Variants in MEIS2 observed in about 807,000 individuals in gnomAD.
The protein encoded by MEIS2 is Meis homeobox 2, also known as homeobox protein Meis2.
In MEIS2, 9 loss-of-function variants were observed where a neutral mutation model predicts 58.6. The observed-to-expected ratio is 0.15, with a 90% CI of 0.09 to 0.27. The LOEUF is 0.27. MEIS2 is among the 10% of genes least tolerant of loss of function. MEIS2 has a pLI of 1.00. For synonymous variants in MEIS2, 221 were observed against 228.4 expected (o/e 0.97, Z 0.29); for missense variants, 427 against 635.0 (o/e 0.67, Z 3.52).
chr15:36,892,689 A>C (rs1172008684), intron 11 of MEIS2, among the ~76,000 whole-genome samples: 1 of 152,224 alleles, frequency 6.6e-6, no homozygotes, highest in Non-Finnish European at 1.5e-5. Context: ...TATTTAATGC[A>C]ACTAAATGTC....
At chr15:37,097,621 C>T (rs1894444384) in intron 2 of MEIS2, among the ~76,000 whole-genome samples, 1 of 152,210 alleles carries the variant, frequency 6.6e-6, no homozygotes, top group African/African-American at 2.4e-5. Flanking sequence ...TCTCCTTCGT[C>T]AAGGCCTCTG....
At chr15:37,094,654 G>T in intron 4 of MEIS2, 77 bp from the exon 5 acceptor site, 2 of 1,268,754 alleles carry the variant, frequency 1.6e-6, no homozygotes, top group Non-Finnish European at 2.2e-6. Context: ...AGTGGGGTGA[G>T]GATGGTGGTG....
At chr15:36,993,576 T>C (rs1446334827) in intron 8 of MEIS2, among the ~76,000 whole-genome samples, 1 of 152,138 alleles carries the variant, frequency 6.6e-6, no homozygotes, top group Non-Finnish European at 1.5e-5. Flanking sequence ...CATTTGTAAA[T>C]AAGGAATATC....
At chr15:36,964,621 G>A (rs2059296714) in intron 8 of MEIS2, among the ~76,000 whole-genome samples, 1 of 152,066 alleles carries the variant, frequency 6.6e-6, no homozygotes, top group Admixed American at 6.5e-5. Context: ...AGAAAGAAGG[G>A]GAAAAACCTG....
intron 9 of MEIS2, among the ~76,000 whole-genome samples, chr15:36,916,284 G>A (rs1302460285): frequency 1.3e-5 from 2 of 151,850 alleles, no homozygotes; most frequent in East Asian, 1.9e-4. Context: ...AAAATTAGCT[G>A]GGCGTGGTGG....
Position 36,889,640 on chromosome 15 carries a change from C to T in MEIS2, c.*2533G>A, listed in dbSNP as rs1315598171. The T allele has an allele frequency of 6.6e-6, 1 of 152,060 alleles. No homozygotes were observed. The highest frequency in any genetic ancestry group is 1.5e-5 in the Non-Finnish European group (1 of 68,006). 9.4% of individuals were successfully genotyped at this position (152,060 alleles called of 1,614,324 possible). ...CTTCAATGAGATAACTTGATAATTGCATAAAACACATCCTAAACACGAGCC... is the reference window on the plus strand; with the variant it reads ...CTTCAATGAGATAACTTGATAATTGTATAAAACACATCCTAAACACGAGCC... On this transcript the variant is annotated 3_prime_UTR_variant, in exon 12 of 12. Transcript: ENST00000561208.
chr15:36,949,175 A>G (rs1444094396), intron 9 of MEIS2, among the ~76,000 whole-genome samples: 1 of 148,766 alleles, frequency 6.7e-6, no homozygotes, highest in Non-Finnish European at 1.5e-5. Context: ...TCCTGTGGCC[A>G]ATTTAAGTAG....
intron 7 of MEIS2, among the ~76,000 whole-genome samples, chr15:37,072,315 A>G (rs1367159449): frequency 6.6e-6 from 1 of 152,082 alleles, no homozygotes; most frequent in Non-Finnish European, 1.5e-5. Flanking sequence ...TTCCCACTGG[A>G]AAGTCCTGGT....
chr15:37,076,742 G>A (rs1207838861), intron 7 of MEIS2, among the ~76,000 whole-genome samples: 1 of 152,084 alleles, frequency 6.6e-6, no homozygotes, highest in Non-Finnish European at 1.5e-5. Context: ...TAAATGGTCA[G>A]CTGTAATCTC....
chr15:36,989,672 C>T (rs766084027), intron 8 of MEIS2, among the ~76,000 whole-genome samples: 1 of 152,220 alleles, frequency 6.6e-6, no homozygotes, highest in Non-Finnish European at 1.5e-5. Flanking sequence ...TATTACAACT[C>T]TAGCAGTGAT....
chr15:36,975,262 C>T (rs540346486), intron 8 of MEIS2, among the ~76,000 whole-genome samples: 2 of 152,276 alleles, frequency 1.3e-5, no homozygotes, highest in South Asian at 4.1e-4. Flanking sequence ...GCAGCTTGAA[C>T]TGCTTGAAGA....
chr15:36,994,012 C>T (rs554139640), intron 8 of MEIS2, among the ~76,000 whole-genome samples: 12 of 151,986 alleles, frequency 7.9e-5, no homozygotes, highest in South Asian at 2.1e-4. Context: ...TTAGATTGAA[C>T]GCTTTGTTTT....
chr15:37,021,887 T>C (rs1226858138), intron 8 of MEIS2, among the ~76,000 whole-genome samples: 1 of 152,176 alleles, frequency 6.6e-6, no homozygotes, highest in Non-Finnish European at 1.5e-5. Flanking sequence ...TCATAAATAC[T>C]GCCTTACCCG....
intron 1 of MEIS2, chr15:37,098,560 C>G (rs1894682132): frequency 2.7e-6 from 1 of 369,380 alleles, no homozygotes; most frequent in Admixed American, 5.8e-5. Context: ...AATGAAAAAG[C>G]ATGAACCAAG....
At chr15:36,979,647 G>A (rs1433242651) in intron 8 of MEIS2, among the ~76,000 whole-genome samples, 2 of 149,016 alleles carry the variant, frequency 1.3e-5, no homozygotes, top group African/African-American at 2.5e-5. Flanking sequence ...TAACCTGTAT[G>A]TAATTAAAAT....
chr15:36,933,392 G>C (rs1323581938), intron 9 of MEIS2, among the ~76,000 whole-genome samples: 1 of 152,090 alleles, frequency 6.6e-6, no homozygotes, highest in Admixed American at 6.5e-5. Flanking sequence ...TGAGAATCTA[G>C]TCACTGAGGA....
In MEIS2 at chr15:36,896,614, T is replaced by G; in HGVS notation, c.1036+14A>C. On this transcript the variant is annotated intron_variant, in intron 10 of 11. Transcript: ENST00000561208. Reference sequence around the variant, plus strand: ...GCCTGTGGGACATAAATATAGATACTACTTGGAACTTGCCTGCTCGATTTG... The same window carrying G: ...GCCTGTGGGACATAAATATAGATACGACTTGGAACTTGCCTGCTCGATTTG... 1 of 1,604,300 alleles carries G rather than the reference T, an allele frequency of 6.2e-7. No individual in the cohort carries two copies. Among genetic ancestry groups the G allele is most frequent in the Non-Finnish European group, 8.5e-7 (1 of 1,174,082 alleles).
chr15:36,924,097 G>A (rs2057639367), intron 9 of MEIS2, among the ~76,000 whole-genome samples: 1 of 152,138 alleles, frequency 6.6e-6, no homozygotes, highest in South Asian at 2.1e-4. Flanking sequence ...CAGAACAAAT[G>A]CCCATGTTTT....
intron 8 of MEIS2, among the ~76,000 whole-genome samples, chr15:37,002,600 A>G (rs1410610129): frequency 6.6e-6 from 1 of 151,890 alleles, no homozygotes; most frequent in Non-Finnish European, 1.5e-5. Flanking sequence ...GTCAGGCAAC[A>G]TTTTGGTTTA....
Sources: gnomAD v4.1 joint callset for allele counts (sites outside exome capture counted in the v4.1 genomes callset) on GRCh38, gnomAD v4.1.1 for gene constraint, MANE v1.5 for transcripts, NCBI Gene and HGNC (gene_info 2026-07-23, HGNC 2026-07-21) for gene names.